SLC12A2: variants seen among roughly 807,000 people sequenced by gnomAD.
The protein encoded by SLC12A2 is solute carrier family 12 member 2.
Under a neutral mutation model 136.3 loss-of-function variants are expected in SLC12A2, and 67 were observed. That is an observed-to-expected ratio of 0.49 (90% confidence interval 0.40 to 0.60). SLC12A2 has a LOEUF of 0.60. SLC12A2 is among the 20% of genes least tolerant of loss of function. SLC12A2 has a pLI of 0.00. For synonymous variants in SLC12A2, 619 were observed against 562.9 expected (o/e 1.10, Z -1.41); for missense variants, 1,322 against 1,534.7 (o/e 0.86, Z 2.32).
chr5:128,116,367 A>G (rs1276523079), intron 4 of SLC12A2, among the ~76,000 whole-genome samples: 4 of 146,640 alleles, frequency 2.7e-5, no homozygotes, highest in Non-Finnish European at 5.9e-5. Context: ...GTTTACATAT[A>G]TATACCATTG....
Position 128,151,226 on chromosome 5 carries a change from A to ATTT in SLC12A2, c.2108-14_2108-12dup. 1 of 1,594,408 alleles carries ATTT rather than the reference A, an allele frequency of 6.3e-7. No homozygotes were observed. Among genetic ancestry groups the ATTT allele is most frequent in the African/African-American group, 1.4e-5 (1 of 73,864 alleles). ...TGAGGTATTTGTGTGACTTTTATTT[A>ATTT]TTTGTTATTGTTAGGATGGCGTCCT... On this transcript the variant is annotated splice_polypyrimidine_tract_variant and intron_variant, in intron 13 of 26. Transcript: ENST00000262461.
Position 128,161,642 on chromosome 5 carries a change from T to TA in SLC12A2, c.2476-16dup. 1 of 1,335,678 alleles carries TA rather than the reference T, an allele frequency of 7.5e-7. No homozygotes were observed. The highest frequency in any genetic ancestry group is 9.6e-7 in the Non-Finnish European group (1 of 1,036,988). The allele number at this position is 1,335,678 out of a possible 1,614,324, so 82.7% of individuals were successfully genotyped here. On this transcript the variant is annotated splice_polypyrimidine_tract_variant and intron_variant, in intron 16 of 26. Coordinates refer to ENST00000262461, the MANE Select transcript of SLC12A2 (RefSeq NM_001046.3). ...CTTACCTTTTAATTAAATATATTATTAATATTTTTATTCAAAGGGTCCTCG... is the reference window on the plus strand; with the variant it reads ...CTTACCTTTTAATTAAATATATTATTAAATATTTTTATTCAAAGGGTCCTCG...
At position 128,083,984 on chromosome 5, in the gene SLC12A2, C is replaced by T; in HGVS notation, c.30C>T (p.Ser10=). The change falls in exon 1 of 27, where the codon TCC becomes TCT. Residue 10 remains serine, a synonymous_variant. Coordinates refer to ENST00000262461, the MANE Select transcript of SLC12A2 (RefSeq NM_001046.3). The part of the protein sequence containing the change: MEPRPTAPS[S]GAPGLAGVGE... ...AGCCGCGGCCCACGGCGCCCTCCTCCGGCGCCCCGGGACTGGCCGGGGTCG... is the reference window on the plus strand; with the variant it reads ...AGCCGCGGCCCACGGCGCCCTCCTCTGGCGCCCCGGGACTGGCCGGGGTCG... 3.2e-6 allele frequency: 4 copies of T among 1,242,504 alleles called. No individual in the cohort carries two copies. The highest frequency in any genetic ancestry group is 4.0e-6 in the Non-Finnish European group (4 of 993,694). The allele number at this position is 1,242,504 out of a possible 1,614,324, so 77.0% of individuals were successfully genotyped here.
rs929956063 is a variant in SLC12A2, at chr5:128,142,038, C to T, written c.1773+57C>T. ...CTGTATTTATCTAGGGGTGAGACTA[C>T]TATCAAATATGACCATTCAGAATAT... On this transcript the variant is annotated intron_variant, in intron 10 of 26. Coordinates refer to ENST00000262461, the MANE Select transcript of SLC12A2 (RefSeq NM_001046.3). The T allele has an allele frequency of 4.3e-6, 6 of 1,394,746 alleles. No individual in the cohort carries two copies. In the African/African-American group the frequency reaches 7.1e-5, roughly 17 times the overall value. 86.4% of individuals were successfully genotyped at this position (1,394,746 alleles called of 1,614,324 possible).
intron 17 of SLC12A2, among the ~76,000 whole-genome samples, chr5:128,162,884 C>T (rs1763086234): frequency 6.6e-6 from 1 of 152,128 alleles, no homozygotes; most frequent in African/African-American, 2.4e-5. Flanking sequence ...CCCAGGATGG[C>T]TTTGAATGCG....
At chr5:128,091,349 A>G (rs1760311001) in intron 1 of SLC12A2, among the ~76,000 whole-genome samples, 1 of 152,202 alleles carries the variant, frequency 6.6e-6, no homozygotes, top group Non-Finnish European at 1.5e-5. Context: ...CAATGAGGCA[A>G]ACAGGTAAAA....
At chr5:128,168,028 A>G (rs1214795713) in intron 18 of SLC12A2, 161 bp downstream of exon 18, 2 of 518,046 alleles carry the variant, frequency 3.9e-6, no homozygotes, top group Admixed American at 3.7e-5. Context: ...TTGATAATCT[A>G]TTAACAATTT....
intron 7 of SLC12A2, among the ~76,000 whole-genome samples, chr5:128,136,408 G>A (rs145859428): frequency 6.6e-6 from 1 of 152,232 alleles, no homozygotes; most frequent in African/African-American, 2.4e-5. Flanking sequence ...CTTAGTCAAG[G>A]TTATACCTGC....
At chr5:128,151,487 C>T (rs1474788894) in intron 14 of SLC12A2, 91 bp downstream of exon 14, 6 of 1,209,350 alleles carry the variant, frequency 5.0e-6, no homozygotes, top group Middle Eastern at 2.2e-4. Flanking sequence ...TCATTTTAAG[C>T]ATCATCTTTT....
chr5:128,122,114 C>G (rs1171827188), intron 4 of SLC12A2, among the ~76,000 whole-genome samples: 1 of 152,168 alleles, frequency 6.6e-6, no homozygotes, highest in South Asian at 2.1e-4. Flanking sequence ...TTTCCTCAAC[C>G]ACTTTTTGCT....
chr5:128,121,558 G>A (rs1761580256), intron 4 of SLC12A2, among the ~76,000 whole-genome samples: 2 of 152,024 alleles, frequency 1.3e-5, no homozygotes, highest in Non-Finnish European at 2.9e-5. Context: ...TCCTGATCTC[G>A]TGATCTGCCC....
At chr5:128,138,775 G>T (rs374010255) in intron 8 of SLC12A2, 49 bp from the exon 9 acceptor site, 146 of 1,598,220 alleles carry the variant, frequency 9.1e-5, no homozygotes, top group Non-Finnish European at 1.2e-4. Context: ...AGTGGAATTT[G>T]TATATTTATT....
chr5:128,085,757 A>G (rs1004636186), intron 1 of SLC12A2, among the ~76,000 whole-genome samples: 2 of 152,194 alleles, frequency 1.3e-5, no homozygotes, highest in African/African-American at 2.4e-5. Flanking sequence ...TTTGGATATG[A>G]TTATTTGATC....
chr5:128,172,850 C>A (rs920560486), intron 19 of SLC12A2, among the ~76,000 whole-genome samples: 2 of 151,950 alleles, frequency 1.3e-5, no homozygotes, highest in African/African-American at 4.8e-5. Flanking sequence ...GTTTGGGAAG[C>A]TGAGGCAGGA....
chr5:128,150,747 A>G (rs1171954292), intron 13 of SLC12A2, among the ~76,000 whole-genome samples: 2 of 151,844 alleles, frequency 1.3e-5, no homozygotes. Flanking sequence ...ATGGGAAGAT[A>G]TGTGTTTCTG....
intron 4 of SLC12A2, among the ~76,000 whole-genome samples, chr5:128,122,928 G>A (rs1761645932): frequency 6.6e-6 from 1 of 151,914 alleles, no homozygotes; most frequent in African/African-American, 2.4e-5. Context: ...GTAAAACACA[G>A]TTGTATTATG....
At chr5:128,171,843 A>G (rs567815844) in intron 19 of SLC12A2, 97 bp downstream of exon 19, 2 of 721,082 alleles carry the variant, frequency 2.8e-6, no homozygotes, top group South Asian at 3.8e-5. Flanking sequence ...GTTACTTTTA[A>G]TAATTATGTA....
At chr5:128,127,881 C>T (rs1761875914) in intron 4 of SLC12A2, among the ~76,000 whole-genome samples, 1 of 151,704 alleles carries the variant, frequency 6.6e-6, no homozygotes, top group Non-Finnish European at 1.5e-5. Flanking sequence ...TTTCTTCTTA[C>T]TGTTTTTTCC....
chr5:128,133,680 GC>G (rs1446947212), intron 5 of SLC12A2, among the ~76,000 whole-genome samples: 1 of 151,978 alleles, frequency 6.6e-6, no homozygotes, highest in Non-Finnish European at 1.5e-5. Context: ...TTTTAAAAAT[GC>G]CATTGATATT....
Sources: allele counts gnomAD v4.1 joint callset (sites outside exome capture counted in the v4.1 genomes callset), GRCh38; gene constraint gnomAD v4.1.1; transcripts MANE v1.5; gene names NCBI Gene and HGNC (gene_info 2026-07-23, HGNC 2026-07-21).